Variants in EDIL3 observed in about 807,000 individuals in gnomAD.
The protein encoded by EDIL3 is EGF-like repeat and discoidin I-like domain-containing protein 3.
In EDIL3, 37 loss-of-function variants were observed where a neutral mutation model predicts 67.4. That is an observed-to-expected ratio of 0.55 (90% confidence interval 0.42 to 0.72). The LOEUF (loss-of-function observed/expected upper bound fraction) is 0.72, where lower values mean the gene tolerates loss of function less well. EDIL3 is among the 30% of genes least tolerant of loss of function. The pLI, the probability that EDIL3 is intolerant of heterozygous loss-of-function variation, is 0.00. For missense variants in EDIL3, 527 were observed against 586.3 expected, an observed-to-expected ratio of 0.90 and a Z score of 1.04; for synonymous variants, 195 against 196.3, an observed-to-expected ratio of 0.99 and a Z score of 0.05.
At chr5:83,948,751 GAAACCAAAGTTTAATTCTTTTAGCCAA>G (rs1388728306) in intron 10 of EDIL3, among the ~76,000 whole-genome samples, 2 of 151,766 alleles carry the variant, frequency 1.3e-5, no homozygotes, top group East Asian at 3.9e-4. Flanking sequence ...TAAAAAGTCT[GAAACCAAAGTTTAATTCTTTTAGCCAA>G]AATAGACTGC....
chr5:84,264,957 A>T (rs1378241062), intron 1 of EDIL3, among the ~76,000 whole-genome samples: 1 of 152,194 alleles, frequency 6.6e-6, no homozygotes, highest in African/African-American at 2.4e-5. Flanking sequence ...TCTAAGCGTA[A>T]ATCTGGTCAG....
chr5:84,110,093 T>G (rs1168911141), intron 5 of EDIL3, among the ~76,000 whole-genome samples: 3 of 152,298 alleles, frequency 2.0e-5, no homozygotes, highest in African/African-American at 7.2e-5. Context: ...TGTTATATCC[T>G]TAGATGCTCA....
chr5:84,291,508 A>C (rs1208182987), intron 1 of EDIL3, among the ~76,000 whole-genome samples: 1 of 151,944 alleles, frequency 6.6e-6, no homozygotes, highest in East Asian at 1.9e-4. Flanking sequence ...CAAAACATTT[A>C]ACTTAAAGAA....
At chr5:84,331,934 C>A (rs1746881163) in intron 1 of EDIL3, among the ~76,000 whole-genome samples, 1 of 152,064 alleles carries the variant, frequency 6.6e-6, no homozygotes, top group Non-Finnish European at 1.5e-5. Context: ...GAGTTAGGGG[C>A]AAATTGGCAA....
intron 1 of EDIL3, among the ~76,000 whole-genome samples, chr5:84,314,993 T>C (rs575849056): frequency 7.5e-4 from 114 of 152,296 alleles, no homozygotes; most frequent in African/African-American, 2.6e-3. Context: ...GTGTTCACAA[T>C]ACATGAATGC....
chr5:84,296,921 G>A (rs1021361144), intron 1 of EDIL3, among the ~76,000 whole-genome samples: 1 of 152,074 alleles, frequency 6.6e-6, no homozygotes, highest in Admixed American at 6.5e-5. Context: ...GCTGGCTCAC[G>A]CCTGCAATCC....
At chr5:84,113,140 C>T (rs147852993) in intron 5 of EDIL3, among the ~76,000 whole-genome samples, 155 of 152,240 alleles carry the variant, frequency 1.0e-3, no homozygotes, top group Middle Eastern at 3.4e-3. Flanking sequence ...ATTGTTACCT[C>T]TAGAGAGGGC....
intron 1 of EDIL3, among the ~76,000 whole-genome samples, chr5:84,358,117 C>A (rs956342398): frequency 6.6e-6 from 1 of 152,032 alleles, no homozygotes; most frequent in African/African-American, 2.4e-5. Context: ...CATGGGAACC[C>A]CAGAATTTGT....
At chr5:83,970,976 A>G (rs943968877) in intron 9 of EDIL3, among the ~76,000 whole-genome samples, 3 of 151,266 alleles carry the variant, frequency 2.0e-5, no homozygotes, top group African/African-American at 7.3e-5. Context: ...GTCTCATTCT[A>G]GAAGGCCAGT....
intron 6 of EDIL3, among the ~76,000 whole-genome samples, chr5:84,074,731 A>G (rs933693206): frequency 5.3e-5 from 8 of 152,030 alleles, no homozygotes; most frequent in African/African-American, 1.7e-4. Context: ...AGAAATAGGA[A>G]CACTTTTACA....
intron 1 of EDIL3, among the ~76,000 whole-genome samples, chr5:84,303,793 T>G (rs1035954459): frequency 3.3e-4 from 38 of 113,718 alleles, no homozygotes; most frequent in African/African-American, 1.2e-3. Flanking sequence ...TTGAACAGCA[T>G]GTCTCTCTCT....
At chr5:84,115,932 TTTAAG>T (rs1288448632) in intron 5 of EDIL3, among the ~76,000 whole-genome samples, 4 of 152,154 alleles carry the variant, frequency 2.6e-5, no homozygotes, top group Admixed American at 6.5e-5. Flanking sequence ...TTCCTATGCT[TTTAAG>T]TTATTTATAT....
intron 5 of EDIL3, among the ~76,000 whole-genome samples, chr5:84,130,444 A>G (rs909769969): frequency 3.3e-5 from 5 of 152,198 alleles, no homozygotes. Flanking sequence ...ATTTGATCAT[A>G]TAATTGAATA....
At chr5:84,244,947 G>C (rs1404120523) in intron 2 of EDIL3, among the ~76,000 whole-genome samples, 1 of 152,222 alleles carries the variant, frequency 6.6e-6, no homozygotes, top group Admixed American at 6.5e-5. Flanking sequence ...CTCCTTATGA[G>C]AATCTAATGC....
At chr5:84,019,315 T>A (rs1427817887) in intron 9 of EDIL3, among the ~76,000 whole-genome samples, 2 of 151,772 alleles carry the variant, frequency 1.3e-5, no homozygotes, top group Admixed American at 1.3e-4. Flanking sequence ...AAACACCACA[T>A]GTTCTCACTC....
intron 6 of EDIL3, among the ~76,000 whole-genome samples, chr5:84,074,849 G>C (rs1034371952): frequency 6.6e-6 from 1 of 152,132 alleles, no homozygotes; most frequent in African/African-American, 2.4e-5. Flanking sequence ...CCATTACTGG[G>C]TATATGCCCA....
At chr5:84,151,886 T>C (rs940196201) in intron 4 of EDIL3, among the ~76,000 whole-genome samples, 1 of 152,016 alleles carries the variant, frequency 6.6e-6, no homozygotes, top group Non-Finnish European at 1.5e-5. Context: ...TAATAATAAT[T>C]TTCTAGTTCT....
intron 3 of EDIL3, among the ~76,000 whole-genome samples, chr5:84,227,764 T>A (rs1268265229): frequency 6.6e-6 from 1 of 152,132 alleles, no homozygotes; most frequent in Non-Finnish European, 1.5e-5. Flanking sequence ...TGAAATTATA[T>A]GCCTCTTAGC....
At chr5:84,266,745 A>T (rs1745360714) in intron 1 of EDIL3, among the ~76,000 whole-genome samples, 2 of 152,282 alleles carry the variant, frequency 1.3e-5, no homozygotes, top group African/African-American at 2.4e-5. Context: ...TTAGGCCTAA[A>T]ATCACACAAA....
Sources: gnomAD v4.1 joint callset for allele counts (sites outside exome capture counted in the v4.1 genomes callset) on GRCh38, gnomAD v4.1.1 for gene constraint, MANE v1.5 for transcripts, NCBI Gene and HGNC (gene_info 2026-07-23, HGNC 2026-07-21) for gene names.